Variants in GAS2 observed in about 807,000 individuals in gnomAD.
The protein encoded by GAS2 is growth arrest specific 2, also known as growth arrest-specific protein 2.
A neutral mutation model predicts 37.5 loss-of-function variants in GAS2; 20 were observed. That is an observed-to-expected ratio of 0.53 (90% CI 0.37 to 0.77). The LOEUF (loss-of-function observed/expected upper bound fraction) is 0.77. GAS2 is among the 30% of genes least tolerant of loss of function. The probability of loss-of-function intolerance (pLI) is 0.00; values close to 1 mark genes in which losing one functional copy is unlikely to be tolerated. For synonymous variants in GAS2, 144 were observed against 132.2 expected (o/e 1.09, Z -0.61); for missense variants, 336 against 373.4 (o/e 0.90, Z 0.82).
intron 6 of GAS2, among the ~76,000 whole-genome samples, chr11:22,750,810 A>G (rs1201767361): frequency 6.6e-6 from 1 of 151,896 alleles, no homozygotes; most frequent in Non-Finnish European, 1.5e-5. Context: ...GGGCAAATAT[A>G]CTTCCTTATA....
intron 1 of GAS2, among the ~76,000 whole-genome samples, chr11:22,649,808 T>C (rs1466705449): frequency 2.0e-3 from 298 of 152,086 alleles, no homozygotes; most frequent in African/African-American, 6.8e-3. Flanking sequence ...TCTTCTCTCT[T>C]TTTTTCTTTA....
chr11:22,780,157 T>C (rs1237865625), intron 7 of GAS2, among the ~76,000 whole-genome samples: 1 of 151,974 alleles, frequency 6.6e-6, no homozygotes, highest in Non-Finnish European at 1.5e-5. Flanking sequence ...TTTTGGGAAG[T>C]TGGGGAACTC....
chr11:22,787,309 T>C (rs1855863548), intron 7 of GAS2, among the ~76,000 whole-genome samples: 1 of 152,152 alleles, frequency 6.6e-6, no homozygotes, highest in Admixed American at 6.6e-5. Context: ...AAAGCAAATA[T>C]TTTTCTTCAT....
chr11:22,811,730 C>G (rs979099430), intron 7 of GAS2, 68 bp from the exon 8 acceptor site: 22 of 1,429,288 alleles, frequency 1.5e-5, no homozygotes, highest in Non-Finnish European at 2.1e-5. Context: ...TTCACTAGAA[C>G]CAGGGGTTGA....
Position 22,652,608 on chromosome 11 carries a change from G to T in GAS2, c.-20-22242G>T, listed in dbSNP as rs337510. On this transcript the variant is annotated intron_variant, in intron 1 of 5. Coordinates refer to the GAS2 transcript ENST00000528582. ...CGTAGGACCCTCCGAGCCAGGTGGG[G>T]GATATAATCTCCCGGTGTGCTGTGT... Among the ~76,000 whole-genome samples, 5 of 152,252 alleles carry T rather than the reference G, an allele frequency of 3.3e-5. No homozygotes were observed. The East Asian group carries it at 7.8e-4, about 24-fold the overall frequency.
At chr11:22,657,446 G>A (rs779542887) in intron 1 of GAS2, among the ~76,000 whole-genome samples, 4 of 152,252 alleles carry the variant, frequency 2.6e-5, no homozygotes, top group Admixed American at 2.6e-4. Context: ...GGAGATTAAG[G>A]TGAGTGCATA....
At chr11:22,715,703 T>A (rs569389573) in intron 3 of GAS2, among the ~76,000 whole-genome samples, 4 of 151,858 alleles carry the variant, frequency 2.6e-5, no homozygotes, top group Non-Finnish European at 4.4e-5. Context: ...GAAATAGTAA[T>A]TTTTAAAAAT....
chr11:22,662,893 A>T (rs983584590), upstream of GAS2, among the ~76,000 whole-genome samples: 3 of 152,204 alleles, frequency 2.0e-5, no homozygotes, highest in African/African-American at 7.2e-5. Flanking sequence ...AAAAAAAAAA[A>T]AATAAAAATA....
At chr11:22,652,339 C>A (rs913501111) in intron 1 of GAS2, among the ~76,000 whole-genome samples, 2 of 152,170 alleles carry the variant, frequency 1.3e-5, no homozygotes, top group African/African-American at 4.8e-5. Context: ...TCAGACAGGG[C>A]CATTTAAGTC....
chr11:22,692,007 C>T (rs960908398), intron 3 of GAS2, among the ~76,000 whole-genome samples: 3 of 151,730 alleles, frequency 2.0e-5, no homozygotes, highest in Non-Finnish European at 4.4e-5. Flanking sequence ...ATACTATCTT[C>T]CAGAGATATG....
At chr11:22,747,622 A>G (rs1853484043) in intron 5 of GAS2, among the ~76,000 whole-genome samples, 2 of 152,074 alleles carry the variant, frequency 1.3e-5, no homozygotes, top group African/African-American at 4.8e-5. Context: ...AGCTAAAAAG[A>G]TCCAAGCCAA....
chr11:22,653,136 G>GTCTCC (rs539642624), intron 1 of GAS2, among the ~76,000 whole-genome samples: 1 of 137,368 alleles, frequency 7.3e-6, no homozygotes, highest in Non-Finnish European at 1.6e-5. Context: ...TTCTTGCCTC[G>GTCTCC]TCTCCTCTCC....
chr11:22,706,125 T>C (rs1161893450), intron 3 of GAS2, among the ~76,000 whole-genome samples: 3 of 152,302 alleles, frequency 2.0e-5, no homozygotes, highest in East Asian at 3.9e-4. Flanking sequence ...TATAACAATA[T>C]GCCATTGAAC....
chr11:22,706,873 T>C lies in GAS2; in HGVS notation c.268-19419T>C, dbSNP rs899565621. Among the ~76,000 whole-genome samples the C allele has an allele frequency of 3.9e-5, 6 of 152,274 alleles. No homozygotes were observed. In the East Asian group the frequency reaches 1.2e-3, roughly 29 times the overall value. On this transcript the variant is annotated intron_variant, in intron 3 of 7. Coordinates refer to ENST00000454584, the MANE Select transcript of GAS2 (RefSeq NM_001143830.3). ...CCAGTAATAGGATGGCTGGGTCAAA[T>C]GGTATTTCTAGTTCTAGATCCCTGA...
intron 1 of GAS2, among the ~76,000 whole-genome samples, chr11:22,651,874 A>G (rs558153276): frequency 1.6e-4 from 25 of 152,028 alleles, no homozygotes; most frequent in Non-Finnish European, 1.3e-4. Context: ...ATTTCCTCCC[A>G]CAGCTCGGAG....
intron 5 of GAS2, among the ~76,000 whole-genome samples, chr11:22,738,565 T>A (rs531149480): frequency 9.9e-5 from 15 of 152,200 alleles, no homozygotes; most frequent in Non-Finnish European, 2.1e-4. Flanking sequence ...TGGTTTCTTA[T>A]CCACATCTGG....
chr11:22,774,183 G>A (rs1389676725), intron 7 of GAS2, among the ~76,000 whole-genome samples: 1 of 152,016 alleles, frequency 6.6e-6, no homozygotes, highest in Non-Finnish European at 1.5e-5. Flanking sequence ...TAGTGGAGAT[G>A]GGGTTTCACC....
intron 7 of GAS2, among the ~76,000 whole-genome samples, chr11:22,786,530 A>G (rs1392143795): frequency 6.6e-6 from 1 of 152,174 alleles, no homozygotes; most frequent in Non-Finnish European, 1.5e-5. Flanking sequence ...ATAGGATAGT[A>G]TTAGTAATAA....
At chr11:22,811,253 T>C (rs1306849682) in intron 7 of GAS2, among the ~76,000 whole-genome samples, 1 of 152,238 alleles carries the variant, frequency 6.6e-6, no homozygotes, top group African/African-American at 2.4e-5. Context: ...AATGTTTGCC[T>C]ATTCAAAAAC....
Sources: allele counts gnomAD v4.1 joint callset (sites outside exome capture counted in the v4.1 genomes callset), GRCh38; gene constraint gnomAD v4.1.1; transcripts MANE v1.5; gene names NCBI Gene and HGNC (gene_info 2026-07-23, HGNC 2026-07-21).